Variants in POLA1 observed in about 807,000 individuals in gnomAD.
The protein encoded by POLA1 is DNA polymerase alpha catalytic subunit.
A neutral mutation model predicts 124.0 loss-of-function variants in POLA1; 15 were observed. The ratio of observed to expected loss-of-function variants is 0.12; its 90% CI spans 0.08 to 0.19. POLA1 has a LOEUF of 0.19. Ranked by LOEUF, POLA1 falls within the 10% of genes least tolerant of loss-of-function variation. The pLI, the probability that POLA1 is intolerant of heterozygous loss-of-function variation, is 1.00. For missense variants in POLA1, 886 were observed against 1,103.4 expected, an observed-to-expected ratio of 0.80 and a Z score of 2.79; for synonymous variants, 408 against 389.4, an observed-to-expected ratio of 1.05 and a Z score of -0.56.
rs148326076 is a variant in POLA1 at position 24,737,658 on chromosome X, C to G, written c.1957C>G (p.Leu653Val). Residue 653 changes from leucine (L) to valine (V), a missense_variant, in exon 19 of 37, where the codon CTA (leucine) becomes GTA (valine). Coordinates refer to ENST00000379068, the MANE Select transcript of POLA1 (RefSeq NM_001330360.2). ...HNIYGFELEV[L>V]LQRINVCKAP... The stretch of plus-strand genomic sequence containing the variant: ...TATTTATGGGTTTGAACTGGAAGTA[C>G]TACTGCAGAGAATTAATGTGTGCAA... The G allele has an allele frequency of 7.7e-6, 9 of 1,166,693 alleles. No homozygotes were observed. The highest frequency in any genetic ancestry group is 1.0e-5 in the Non-Finnish European group (9 of 857,272).
chrX:24,715,155 G>A lies in POLA1; in HGVS notation c.477G>A (p.Leu159=), dbSNP rs373642183. The change falls in exon 6 of 37, where the codon TTG becomes TTA. Residue 159 remains leucine (L), a synonymous_variant. Coordinates refer to ENST00000379068, the MANE Select transcript of POLA1 (RefSeq NM_001330360.2). The stretch of plus-strand genomic sequence containing the variant: ...ATCATTTCCAGAAAGCTGTAGACTT[G>A]TCCAAGGATGGTCTGCTAGGTGACA... ...GKKTADKAVD[L]SKDGLLGDIL... 24 of 1,180,044 alleles carry A rather than the reference G, an allele frequency of 2.0e-5. No individual in the cohort carries two copies. Among genetic ancestry groups the A allele is most frequent in the Non-Finnish European group, 2.8e-5 (24 of 868,248 alleles).
At chrX:24,743,778 G>C (rs1602318908) in intron 23 of POLA1, among the ~76,000 whole-genome samples, 1 of 112,222 alleles carries the variant, frequency 8.9e-6, no homozygotes, top group African/African-American at 3.2e-5. Flanking sequence ...GTTGAAGGAC[G>C]TGCAGACAAT....
intron 36 of POLA1, among the ~76,000 whole-genome samples, chrX:24,952,564 C>G (rs2048060564): frequency 8.9e-6 from 1 of 112,142 alleles, no homozygotes; most frequent in African/African-American, 3.2e-5. Flanking sequence ...CTTTTTTGTT[C>G]AGTGCTGATA....
chrX:24,815,253 T>C, intron 30 of POLA1, 142 bp downstream of exon 30: 1 of 539,404 alleles, frequency 1.9e-6, no homozygotes, highest in East Asian at 3.7e-5. Context: ...TCTCACAGAT[T>C]GAGTATTAGC....
chrX:24,740,325 A>G (rs1202828290), intron 20 of POLA1, among the ~76,000 whole-genome samples: 1 of 111,321 alleles, frequency 9.0e-6, no homozygotes, highest in African/African-American at 3.3e-5. Context: ...TATCAGTTCT[A>G]TCTTCTAAAT....
chrX:24,783,822 A>G (rs768496744), intron 26 of POLA1, among the ~76,000 whole-genome samples: 6 of 111,581 alleles, frequency 5.4e-5, no homozygotes, highest in Middle Eastern at 4.6e-3. Flanking sequence ...CTATTTAAAT[A>G]AATTATTTAA....
In POLA1 at chrX:24,824,854, A is replaced by G. The variant is rs773928712; in HGVS notation, c.3562-1573A>G. On this transcript the variant is annotated intron_variant, in intron 31 of 36. Transcript: ENST00000379068. Reference sequence around the variant, plus strand: ...GCTTTTTTGAAAACCATGCTTTACTATGAGAACTACTGAAATATTAGAAAG... The same window carrying G: ...GCTTTTTTGAAAACCATGCTTTACTGTGAGAACTACTGAAATATTAGAAAG... Among the ~76,000 whole-genome samples, 32 of 111,663 alleles carry G rather than the reference A, an allele frequency of 2.9e-4. 1 individual carries two copies. The highest frequency in any genetic ancestry group is 2.1e-4 in the Non-Finnish European group (11 of 53,147).
chrX:24,744,303 C>T (rs750820115), intron 23 of POLA1: 3 of 204,391 alleles, frequency 1.5e-5, no homozygotes, highest in Non-Finnish European at 2.7e-5. Flanking sequence ...GCCTGTTTAA[C>T]CTCTGTAAGC....
chrX:24,918,209 A>C (rs772552575), intron 35 of POLA1, among the ~76,000 whole-genome samples: 1 of 104,787 alleles, frequency 9.5e-6, no homozygotes, highest in African/African-American at 3.4e-5. Context: ...ATCACCACCA[A>C]AAAAAAAAAA....
At chrX:24,915,586 G>C (rs751326850) in intron 35 of POLA1, among the ~76,000 whole-genome samples, 2 of 111,484 alleles carry the variant, frequency 1.8e-5, no homozygotes, top group South Asian at 3.9e-4. Context: ...TATTGTGAAC[G>C]CCACTCACCT....
chrX:24,703,545 G>A (rs1464598046), intron 3 of POLA1, among the ~76,000 whole-genome samples, 198 bp downstream of exon 3: 1 of 112,050 alleles, frequency 8.9e-6, no homozygotes, highest in Non-Finnish European at 1.9e-5. Context: ...CATTTATTTG[G>A]GGATATTTTG....
At chrX:24,722,790 C>G (rs944401061) in intron 10 of POLA1, among the ~76,000 whole-genome samples, 1 of 112,055 alleles carries the variant, frequency 8.9e-6, no homozygotes, top group Non-Finnish European at 1.9e-5. Flanking sequence ...TGAGCTCAAG[C>G]GATCTGCCCA....
intron 26 of POLA1, among the ~76,000 whole-genome samples, chrX:24,775,769 G>A (rs2045127965): frequency 8.9e-6 from 1 of 112,198 alleles, no homozygotes; most frequent in South Asian, 3.7e-4. Context: ...TATGCACAGT[G>A]TAGAACTTTT....
At chrX:24,834,530 G>C (rs2147044941) in intron 32 of POLA1, among the ~76,000 whole-genome samples, 1 of 112,220 alleles carries the variant, frequency 8.9e-6, no homozygotes, top group East Asian at 2.8e-4. Flanking sequence ...CTAGCACTAT[G>C]GGAGGCCAAG....
chrX:24,983,167 A>G (rs1228830356), intron 36 of POLA1, among the ~76,000 whole-genome samples: 2 of 112,213 alleles, frequency 1.8e-5, no homozygotes, highest in African/African-American at 6.5e-5. Flanking sequence ...GAAGGCAGGC[A>G]CTTTTGTCTG....
At chrX:24,905,563 CT>C (rs1206053761) in intron 35 of POLA1, among the ~76,000 whole-genome samples, 277 of 28,868 alleles carry the variant, frequency 9.6e-3, no homozygotes, top group Middle Eastern at 0.03. Context: ...CCCCCCCCCC[CT>C]TTTTTTTTTT....
chrX:24,841,876 G>A lies in POLA1; in HGVS notation c.3915+46G>A, dbSNP rs746233286. 55 of 967,369 alleles carry A rather than the reference G, an allele frequency of 5.7e-5. No individual in the cohort carries two copies. In the East Asian group the frequency reaches 1.7e-3, roughly 31 times the overall value. The allele number at this position is 967,369 out of a possible 1,213,427, so 79.7% of individuals were successfully genotyped here. A position where few individuals can be genotyped will look rare whatever the true frequency, so the allele number is the denominator to read the frequency against. ...ATTTTGTGAGTGAACTTGTATAAAG[G>A]CCTTACCCCCTTCCCCCACTATGGG... On this transcript the variant is annotated intron_variant, in intron 33 of 36. Transcript: ENST00000379068.
At chrX:24,738,748 G>A (rs1931456067) in intron 19 of POLA1, among the ~76,000 whole-genome samples, 1 of 111,875 alleles carries the variant, frequency 8.9e-6, no homozygotes, top group Non-Finnish European at 1.9e-5. Flanking sequence ...ACCTGATACT[G>A]CTCAGTGCTT....
intron 26 of POLA1, among the ~76,000 whole-genome samples, chrX:24,785,730 C>T (rs952037978): frequency 1.8e-5 from 2 of 111,734 alleles, no homozygotes; most frequent in African/African-American, 6.5e-5. Context: ...ATTTGATATG[C>T]ATATACATTG....
Sources: allele counts gnomAD v4.1 joint callset (sites outside exome capture counted in the v4.1 genomes callset), GRCh38; gene constraint gnomAD v4.1.1; transcripts MANE v1.5; gene names NCBI Gene and HGNC (gene_info 2026-07-23, HGNC 2026-07-21).